DNTTIP2: variants seen among roughly 807,000 people sequenced by gnomAD.
DNTTIP2 encodes the protein deoxynucleotidyltransferase terminal-interacting protein 2.
A neutral mutation model predicts 62.4 loss-of-function variants in DNTTIP2; 47 were observed. That is an observed-to-expected ratio of 0.75 (90% CI 0.60 to 0.96). The LOEUF (loss-of-function observed/expected upper bound fraction) is 0.96. DNTTIP2 is among the 40% of genes least tolerant of loss of function. DNTTIP2 has a pLI of 0.00. For synonymous variants in DNTTIP2, 322 were observed against 300.9 expected, an observed-to-expected ratio of 1.07 and a Z score of -0.73; for missense variants, 870 against 849.1, an observed-to-expected ratio of 1.02 and a Z score of -0.31.
chr1:93,878,917 G>T, intron 1 of DNTTIP2, 160 bp downstream of exon 1: 3 of 888,216 alleles, frequency 3.4e-6, no homozygotes, highest in South Asian at 1.8e-5. Context: ...AACAGTTTCC[G>T]TGACAGGCTT....
chr1:93,871,969 C>A lies in DNTTIP2; in HGVS notation c.2067+103G>T, dbSNP rs1028453288. The A allele has an allele frequency of 6.9e-6, 9 of 1,306,562 alleles. No individual in the cohort carries two copies. The Middle Eastern group carries it at 5.7e-4, about 83-fold the overall frequency. 80.9% of individuals were successfully genotyped at this position (1,306,562 alleles called of 1,614,324 possible). On this transcript the variant is annotated intron_variant, in intron 5 of 6. Coordinates refer to ENST00000436063, the MANE Select transcript of DNTTIP2 (RefSeq NM_014597.5). ...ATATGTTCCATACATTAGGCATGCA[C>A]AATGGAAATATCCTCTATTTTAGGA...
Position 93,877,340 on chromosome 1 carries a change from C to T in DNTTIP2, c.595G>A (p.Ala199Thr). Reference sequence around the variant, plus strand: ...TGCATACTCCTGGTTCTTCTAGTTGCAATTCCAGAGAATGAAATGTCTGAG... The same window carrying T: ...TGCATACTCCTGGTTCTTCTAGTTGTAATTCCAGAGAATGAAATGTCTGAG... ...SSSDISFSGIATRRTRSMQRK... is the reference protein window; with the variant it reads ...SSSDISFSGITTRRTRSMQRK... The change falls in exon 2 of 7, where the codon GCA (alanine) becomes ACA (threonine). Residue 199 changes from alanine (A) to threonine (T), a missense_variant. Physicochemically the swap from Ala to Thr is moderately conservative, Grantham distance 58. Transcript: ENST00000436063. 6.2e-7 allele frequency: 1 copy of T among 1,613,632 alleles called. No homozygotes were observed.
At chr1:93,872,283 A>T (rs1445025624) in intron 4 of DNTTIP2, 47 bp from the exon 5 acceptor site, 1 of 1,570,516 alleles carries the variant, frequency 6.4e-7, no homozygotes, top group Admixed American at 1.9e-5. Flanking sequence ...CTAAGAGTAT[A>T]CATTATAATT....
At chr1:93,872,382 G>C (rs1655887821) in intron 4 of DNTTIP2, 146 bp from the exon 5 acceptor site, 2 of 755,792 alleles carry the variant, frequency 2.6e-6, no homozygotes, top group Non-Finnish European at 4.1e-6. Flanking sequence ...CAGAATCATA[G>C]AGATAAAAGG....
At chr1:93,872,383 A>G in intron 4 of DNTTIP2, 147 bp from the exon 5 acceptor site, 1 of 759,738 alleles carries the variant, frequency 1.3e-6, no homozygotes, top group South Asian at 2.1e-5. Context: ...AGAATCATAG[A>G]GATAAAAGGA....
intron 2 of DNTTIP2, 109 bp downstream of exon 2, chr1:93,876,159 C>G: frequency 4.9e-6 from 5 of 1,019,340 alleles, no homozygotes; most frequent in Non-Finnish European, 6.9e-6. Flanking sequence ...ATGAAGAACC[C>G]AAGGCAGTGA....
chr1:93,878,253 G>A (rs978997852), intron 1 of DNTTIP2, among the ~76,000 whole-genome samples: 1 of 152,106 alleles, frequency 6.6e-6, no homozygotes, highest in African/African-American at 2.4e-5. Context: ...GCAGTGAGCC[G>A]AGGCTGCGCC....
intron 5 of DNTTIP2, among the ~76,000 whole-genome samples, chr1:93,871,420 A>C (rs1372379688): frequency 2.6e-4 from 40 of 152,256 alleles, no homozygotes; most frequent in Admixed American, 2.6e-3. Context: ...AAGAGAGGTA[A>C]GGAAGATTTA....
chr1:93,869,956 AAAT>A lies in DNTTIP2; in HGVS notation c.2178-15_2178-13del. Reference sequence around the variant, plus strand: ...TCCTTCGGTTGTATCTGAAAAAGAAAAATCAGAACTTTATGTTTGATATATCAG... The same window carrying A: ...TCCTTCGGTTGTATCTGAAAAAGAAACAGAACTTTATGTTTGATATATCAG... On this transcript the variant is annotated splice_polypyrimidine_tract_variant and intron_variant, in intron 6 of 6. Transcript: ENST00000436063. The A allele has an allele frequency of 1.3e-6, 1 of 774,712 alleles. No individual in the cohort carries two copies. Among genetic ancestry groups the A allele is most frequent in the South Asian group, 1.4e-5 (1 of 73,536 alleles). 48.0% of individuals were successfully genotyped at this position (774,712 alleles called of 1,614,324 possible).
At position 93,875,785 on chromosome 1, in the gene DNTTIP2, TG is replaced by T; in HGVS notation, c.1668-3del. Reference sequence around the variant, plus strand: ...ATGCTGCTGCTTGTCAACTTCAGACTGAAAAAGAAATCATCACTTAAAGATC... The same window carrying T: ...ATGCTGCTGCTTGTCAACTTCAGACTAAAAAGAAATCATCACTTAAAGATC... On this transcript the variant is annotated splice_polypyrimidine_tract_variant and splice_region_variant and intron_variant, in intron 2 of 6. Transcript: ENST00000436063. The T allele has an allele frequency of 6.2e-7, 1 of 1,604,518 alleles. No individual in the cohort carries two copies. Among genetic ancestry groups the T allele is most frequent in the South Asian group, 1.1e-5 (1 of 88,414 alleles).
At position 93,867,756 on chromosome 1, in the gene DNTTIP2, A is replaced by T. The variant is rs1655757170; in HGVS notation, c.*2095T>A. On this transcript the variant is annotated 3_prime_UTR_variant, in exon 7 of 7. Coordinates refer to ENST00000436063, the MANE Select transcript of DNTTIP2 (RefSeq NM_014597.5). ...AAGCACTAAAGGATACAATTCTCTC[A>T]TACTGGGTCCTTATTTTATCCAGTA... The T allele has an allele frequency of 6.6e-6, 1 of 152,128 alleles. No homozygotes were observed. The allele number at this position is 152,128 out of a possible 1,614,324, so 9.4% of individuals were successfully genotyped here.
Position 93,876,659 on chromosome 1 carries a change from G to C in DNTTIP2, c.1276C>G (p.Leu426Val). 1 of 1,614,024 alleles carries C rather than the reference G, an allele frequency of 6.2e-7. No individual in the cohort carries two copies. Among genetic ancestry groups the C allele is most frequent in the East Asian group, 2.2e-5 (1 of 44,874 alleles). The part of the protein sequence containing the change: ...GNVDFECDTK[L>V]YTSAPNTSQG... ...GATGTGTTGGGCGCAGACGTGTATA[G>C]TTTGGTATCACATTCAAAATCTACA... Residue 426 changes from leucine to valine, a missense_variant, in exon 2 of 7, where the codon CTA becomes GTA. Physicochemically the swap from Leu to Val is conservative, Grantham distance 32. Coordinates refer to ENST00000436063, the MANE Select transcript of DNTTIP2 (RefSeq NM_014597.5).
chr1:93,869,768 T>C lies in DNTTIP2; in HGVS notation c.*83A>G, dbSNP rs1655810018. 2.9e-6 allele frequency: 2 copies of C among 701,236 alleles called. No individual in the cohort carries two copies. The highest frequency in any genetic ancestry group is 5.3e-6 in the Non-Finnish European group (2 of 376,314). 43.4% of individuals were successfully genotyped at this position (701,236 alleles called of 1,614,324 possible). A position where few individuals can be genotyped will look rare whatever the true frequency, so the allele number is the denominator to read the frequency against. ...AGGGCCAGTCTATGGTAAATTAATT[T>C]AGATGATGGTGTTAGTTTTCCAAAC... is the stretch of plus-strand genomic sequence containing the variant. On this transcript the variant is annotated 3_prime_UTR_variant, in exon 7 of 7. Transcript: ENST00000436063.
In DNTTIP2 at chr1:93,877,444, C is replaced by T. The variant is rs140764619; in HGVS notation, c.491G>A (p.Arg164Lys). The change falls in exon 2 of 7, where the codon AGA (arginine) becomes AAA (lysine). Residue 164 changes from arginine (R) to lysine (K), a missense_variant. By Grantham distance (26) the Arg-to-Lys change is conservative. Transcript: ENST00000436063. Reference sequence around the variant, plus strand: ...TGTCAGAGATTTAGCCTTACTTCTTCTGGCTCCTGTAGTTTTTTCTGTAGG... The same window carrying T: ...TGTCAGAGATTTAGCCTTACTTCTTTTGGCTCCTGTAGTTTTTTCTGTAGG... ...VLPTEKTTGA[R>K]RSKAKSLTDP... 3.7e-6 allele frequency: 6 copies of T among 1,613,934 alleles called. No homozygotes were observed. The East Asian group carries it at 1.1e-4, about 30-fold the overall frequency.
At position 93,879,157 on chromosome 1, in the gene DNTTIP2, C is replaced by A. The variant is rs201294972; in HGVS notation, c.-9G>T. 4.6e-5 allele frequency: 74 copies of A among 1,611,966 alleles called. No individual in the cohort carries two copies. Among genetic ancestry groups the A allele is most frequent in the African/African-American group, 8.0e-5 (6 of 74,968 alleles). Reference sequence around the variant, plus strand: ...GATCTGGTAACCACCATCTTTCCGGCTCCCTCGCGACCACCACGACTTCCC... The same window carrying A: ...GATCTGGTAACCACCATCTTTCCGGATCCCTCGCGACCACCACGACTTCCC... On this transcript the variant is annotated 5_prime_UTR_variant, in exon 1 of 7. Transcript: ENST00000436063.
Position 93,877,241 on chromosome 1 carries a change from T to C in DNTTIP2, c.694A>G (p.Thr232Ala). The change falls in exon 2 of 7, where the codon ACA (threonine) becomes GCA (alanine). Residue 232 changes from threonine (T) to alanine (A), a missense_variant. By Grantham distance (58) the Thr-to-Ala change is moderately conservative. Coordinates refer to ENST00000436063, the MANE Select transcript of DNTTIP2 (RefSeq NM_014597.5). ...TCTGAATCCTCTGAATTCACAGGTGTACCCACGATCTGTTTCTCATTTCCT... is the reference window on the plus strand; with the variant it reads ...TCTGAATCCTCTGAATTCACAGGTGCACCCACGATCTGTTTCTCATTTCCT... ...VPGNEKQIVGTPVNSEDSDTR... is the reference protein window; with the variant it reads ...VPGNEKQIVGAPVNSEDSDTR... The C allele has an allele frequency of 6.2e-7, 1 of 1,613,962 alleles. No homozygotes were observed.
chr1:93,875,009 C>T (rs1215741094), intron 3 of DNTTIP2, among the ~76,000 whole-genome samples: 2 of 152,116 alleles, frequency 1.3e-5, no homozygotes, highest in Admixed American at 1.3e-4. Context: ...AGTTTGGTTT[C>T]ATTAGCCAGA....
At chr1:93,879,010 C>A in intron 1 of DNTTIP2, 67 bp downstream of exon 1, 1 of 1,586,506 alleles carries the variant, frequency 6.3e-7, no homozygotes. Flanking sequence ...CGGACCCTTG[C>A]GCCGCCCCGC....
chr1:93,878,999 C>T (rs1451453418), intron 1 of DNTTIP2, 78 bp downstream of exon 1: 3 of 1,567,494 alleles, frequency 1.9e-6, no homozygotes, highest in African/African-American at 2.7e-5. Context: ...TCACCCTTAA[C>T]CGGACCCTTG....
Sources: gnomAD v4.1 joint callset for allele counts (sites outside exome capture counted in the v4.1 genomes callset) on GRCh38, gnomAD v4.1.1 for gene constraint, MANE v1.5 for transcripts, NCBI Gene and HGNC (gene_info 2026-07-23, HGNC 2026-07-21) for gene names.